Variants in MCTP1 observed in about 807,000 individuals in gnomAD.
The protein encoded by MCTP1 is multiple C2 and transmembrane domain-containing protein 1.
MCTP1 carries 69 observed loss-of-function variants against 120.6 expected under a neutral mutation model. The observed-to-expected ratio is 0.57, with a 90% CI of 0.47 to 0.70. The LOEUF is 0.70. MCTP1 is among the 30% of genes least tolerant of loss of function. The probability of loss-of-function intolerance (pLI) is 0.00; values close to 1 mark genes in which losing one functional copy is unlikely to be tolerated. For missense variants in MCTP1, 1,203 were observed against 1,248.8 expected (o/e 0.96, Z 0.55); for synonymous variants, 529 against 493.1 (o/e 1.07, Z -0.96).
At chr5:94,845,425 C>T (rs1212865323) in intron 17 of MCTP1, among the ~76,000 whole-genome samples, 3 of 152,170 alleles carry the variant, frequency 2.0e-5, no homozygotes, top group Non-Finnish European at 1.5e-5. Flanking sequence ...CCACTGTCTC[C>T]AAGACACGTG....
intron 17 of MCTP1, among the ~76,000 whole-genome samples, chr5:94,812,455 GAAA>G (rs57511429): frequency 1.2e-4 from 13 of 104,584 alleles, no homozygotes; most frequent in Non-Finnish European, 1.9e-5. Context: ...TCAGGGATAC[GAAA>G]AAAAAAAAAA....
At chr5:94,768,099 A>C (rs1419554834) in intron 19 of MCTP1, among the ~76,000 whole-genome samples, 1 of 152,126 alleles carries the variant, frequency 6.6e-6, no homozygotes, top group Non-Finnish European at 1.5e-5. Flanking sequence ...AAGTATATCC[A>C]TATTTTTAAA....
At chr5:94,743,168 G>C (rs889618511) in intron 19 of MCTP1, among the ~76,000 whole-genome samples, 1 of 150,460 alleles carries the variant, frequency 6.6e-6, no homozygotes, top group African/African-American at 2.4e-5. Flanking sequence ...AAATCTGGGG[G>C]ATTATTCACT....
At chr5:94,714,958 CCT>C (rs1261078298) in intron 19 of MCTP1, 72 bp from the exon 20 acceptor site, 1 of 879,766 alleles carries the variant, frequency 1.1e-6, no homozygotes, top group Non-Finnish European at 1.9e-6. Flanking sequence ...TTGTGTTGTC[CCT>C]CTGTTACATT....
chr5:94,752,195 G>A (rs1768632695), intron 19 of MCTP1, among the ~76,000 whole-genome samples: 2 of 143,260 alleles, frequency 1.4e-5, no homozygotes, highest in African/African-American at 5.1e-5. Flanking sequence ...GGCTGAAACA[G>A]TGTCTGCGTG....
At chr5:94,951,433 A>G (rs963520295) in intron 3 of MCTP1, among the ~76,000 whole-genome samples, 1 of 152,196 alleles carries the variant, frequency 6.6e-6, no homozygotes, top group Non-Finnish European at 1.5e-5. Flanking sequence ...TCTTTCATGG[A>G]GTAATATCCC....
rs547598393 is a variant in MCTP1, at chr5:95,047,656, A to T, written c.721-30172T>A. On this transcript the variant is annotated intron_variant, in intron 1 of 22. Coordinates refer to ENST00000515393, the MANE Select transcript of MCTP1 (RefSeq NM_024717.7). Reference sequence around the variant, plus strand: ...ATTCACAGGTAAATCCTATGAAGTTAAAAAATGGTGGCATTTTAGTAGTCT... The same window carrying T: ...ATTCACAGGTAAATCCTATGAAGTTTAAAAATGGTGGCATTTTAGTAGTCT... Among the ~76,000 whole-genome samples, 23 of 152,298 alleles carry T rather than the reference A, an allele frequency of 1.5e-4. No homozygotes were observed. In the East Asian group the frequency reaches 4.1e-3, roughly 27 times the overall value.
chr5:94,853,161 A>G (rs1794080475), intron 17 of MCTP1, among the ~76,000 whole-genome samples: 1 of 151,940 alleles, frequency 6.6e-6, no homozygotes, highest in African/African-American at 2.4e-5. Context: ...GGAAAAAAAA[A>G]TTGTTATAAA....
intron 19 of MCTP1, among the ~76,000 whole-genome samples, chr5:94,754,365 G>A (rs1346092353): frequency 6.6e-6 from 1 of 152,132 alleles, no homozygotes; most frequent in African/African-American, 2.4e-5. Flanking sequence ...ACTATAATTG[G>A]CTATGCATAG....
At chr5:95,209,013 A>G (rs1752010875) in intron 1 of MCTP1, among the ~76,000 whole-genome samples, 1 of 152,044 alleles carries the variant, frequency 6.6e-6, no homozygotes, top group Non-Finnish European at 1.5e-5. Context: ...TTTCCTTCAA[A>G]TGTATGAAGA....
At chr5:95,244,271 G>A (rs1756503079) in intron 1 of MCTP1, among the ~76,000 whole-genome samples, 1 of 152,222 alleles carries the variant, frequency 6.6e-6, no homozygotes, top group African/African-American at 2.4e-5. Context: ...CGACGCAGAT[G>A]ACAGGTGATT....
At chr5:94,983,693 ATC>A (rs1374093756) in intron 2 of MCTP1, among the ~76,000 whole-genome samples, 8 of 152,084 alleles carry the variant, frequency 5.3e-5, no homozygotes, top group Admixed American at 2.0e-4. Flanking sequence ...CTATCTATCT[ATC>A]TATTGGTTTC....
intron 5 of MCTP1, among the ~76,000 whole-genome samples, chr5:94,937,589 A>T (rs193039153): frequency 5.3e-5 from 8 of 152,186 alleles, no homozygotes; most frequent in African/African-American, 1.9e-4. Context: ...CATTTTAAAA[A>T]TAAGTTTGAG....
chr5:95,116,037 A>G (rs1191689942), intron 1 of MCTP1, among the ~76,000 whole-genome samples: 1 of 152,158 alleles, frequency 6.6e-6, no homozygotes, highest in Non-Finnish European at 1.5e-5. Context: ...GTCTAGAGTA[A>G]AAAACTTTTA....
rs555403083 is a variant in MCTP1, at chr5:94,939,924, T to C, written c.1173+160A>G. ...TAATAGGAAATTAGAGTTGAAAAGATACAGTAAGCATGAATGAGCAATACC... is the reference window on the plus strand; with the variant it reads ...TAATAGGAAATTAGAGTTGAAAAGACACAGTAAGCATGAATGAGCAATACC... On this transcript the variant is annotated intron_variant, in intron 5 of 22. Transcript: ENST00000515393. Among the ~76,000 whole-genome samples, 9 of 152,114 alleles carry C rather than the reference T, an allele frequency of 5.9e-5. No individual in the cohort carries two copies. In the South Asian group the frequency reaches 1.2e-3, roughly 21 times the overall value.
intron 1 of MCTP1, among the ~76,000 whole-genome samples, chr5:95,050,435 G>C (rs1302253483): frequency 6.6e-6 from 1 of 152,134 alleles, no homozygotes; most frequent in Non-Finnish European, 1.5e-5. Flanking sequence ...TTATCTGCCT[G>C]GATGGGGCTG....
At chr5:95,275,550 T>C (rs10476631) in intron 1 of MCTP1, among the ~76,000 whole-genome samples, 26,376 of 152,218 alleles carry the variant, frequency 0.17, 2,897 homozygotes, top group Non-Finnish European at 0.24. Flanking sequence ...GAGACACATA[T>C]GTAATTTTAC....
At chr5:95,113,976 G>C (rs1050648234) in intron 1 of MCTP1, among the ~76,000 whole-genome samples, 1 of 152,202 alleles carries the variant, frequency 6.6e-6, no homozygotes, top group African/African-American at 2.4e-5. Flanking sequence ...GTACCAGTGA[G>C]AGTTGTGAGG....
intron 8 of MCTP1, among the ~76,000 whole-genome samples, chr5:94,915,991 G>C (rs961267495): frequency 6.6e-6 from 1 of 152,058 alleles, no homozygotes; most frequent in African/African-American, 2.4e-5. Context: ...TAATTATGGG[G>C]ACCTGCACAT....
Sources: gnomAD v4.1 joint callset for allele counts (sites outside exome capture counted in the v4.1 genomes callset) on GRCh38, gnomAD v4.1.1 for gene constraint, MANE v1.5 for transcripts, NCBI Gene and HGNC (gene_info 2026-07-23, HGNC 2026-07-21) for gene names.